Variants in PARP8 observed in about 807,000 individuals in gnomAD.
PARP8 encodes the protein protein mono-ADP-ribosyltransferase PARP8.
PARP8 carries 51 observed loss-of-function variants against 124.1 expected under a neutral mutation model. The observed-to-expected ratio is 0.41, with a 90% CI of 0.33 to 0.52. The LOEUF is 0.52. Among genes scored for constraint, PARP8 ranks in the 20% least tolerant of loss-of-function variants. PARP8 has a pLI of 0.21. For synonymous variants in PARP8, 391 were observed against 361.5 expected (o/e 1.08, Z -0.93); for missense variants, 860 against 1,018.9 (o/e 0.84, Z 2.12).
At chr5:50,683,901 T>A (rs1751564955) in intron 2 of PARP8, among the ~76,000 whole-genome samples, 1 of 152,188 alleles carries the variant, frequency 6.6e-6, no homozygotes, top group Non-Finnish European at 1.5e-5. Flanking sequence ...AATATTCATA[T>A]CTTAGCACTA....
chr5:50,820,300 C>T (rs866917082), intron 15 of PARP8, among the ~76,000 whole-genome samples: 27 of 152,174 alleles, frequency 1.8e-4, no homozygotes, highest in African/African-American at 6.0e-4. Flanking sequence ...CTAGAAATAG[C>T]TTTCCCTATA....
chr5:50,835,888 A>G (rs1182811483), intron 25 of PARP8, among the ~76,000 whole-genome samples: 1 of 152,120 alleles, frequency 6.6e-6, no homozygotes, highest in Non-Finnish European at 1.5e-5. Context: ...TTGGCTTCCA[A>G]CCCGTTTCCC....
At chr5:50,679,917 C>T (rs577072132) in intron 2 of PARP8, among the ~76,000 whole-genome samples, 1 of 152,248 alleles carries the variant, frequency 6.6e-6, no homozygotes, top group East Asian at 1.9e-4. Context: ...AAATACTTCC[C>T]ATTTCCTGCT....
chr5:50,757,483 G>T (rs1385057450), intron 3 of PARP8, among the ~76,000 whole-genome samples: 1 of 152,038 alleles, frequency 6.6e-6, no homozygotes, highest in African/African-American at 2.4e-5. Context: ...TGTAATAACG[G>T]CAATTTAATA....
At position 50,790,730 on chromosome 5, in the gene PARP8, C is replaced by CT. The variant is rs539277953; in HGVS notation, c.737+2146dup. 5.9e-5 allele frequency among the ~76,000 whole-genome samples: 9 copies of CT among 152,132 alleles called. No homozygotes were observed. The East Asian group carries it at 1.7e-3, about 29-fold the overall frequency. On this transcript the variant is annotated intron_variant, in intron 10 of 25. Transcript: ENST00000281631. Reference sequence around the variant, plus strand: ...TGAGAAATTAAAGAAAGCTATGTGCCTTTTTCACTGTTTAAGTACCTAGTA... The same window carrying CT: ...TGAGAAATTAAAGAAAGCTATGTGCCTTTTTTCACTGTTTAAGTACCTAGTA...
chr5:50,777,039 A>G (rs1385063122), intron 7 of PARP8, among the ~76,000 whole-genome samples: 1 of 152,192 alleles, frequency 6.6e-6, no homozygotes, highest in Non-Finnish European at 1.5e-5. Flanking sequence ...GGACCTAATG[A>G]GATCATCCAT....
chr5:50,834,108 ATATAAG>A (rs1747298322), intron 24 of PARP8, 60 bp downstream of exon 24: 10 of 1,318,992 alleles, frequency 7.6e-6, no homozygotes, highest in South Asian at 3.7e-5. Context: ...ATAATTAAAA[ATATAAG>A]TATATTTACA....
Position 50,778,096 on chromosome 5 carries a change from T to C in PARP8, c.546T>C (p.Asp182=), listed in dbSNP as rs918229633. The C allele has an allele frequency of 5.6e-6, 9 of 1,609,214 alleles. No homozygotes were observed. The highest frequency in any genetic ancestry group is 6.8e-6 in the Non-Finnish European group (8 of 1,178,464). The change falls in exon 8 of 26, where the codon GAT becomes GAC. Residue 182 remains aspartate, a synonymous_variant. Transcript: ENST00000281631. ...AATATGGAGCCATTGATGATGTAGA[T>C]ATTGATCTGCATATCGATGTTAGCT... The part of the protein sequence containing the change: ...LREYGAIDDV[D]IDLHIDVSFL...
At chr5:50,740,488 C>G (rs1249673973) in intron 2 of PARP8, among the ~76,000 whole-genome samples, 1 of 152,032 alleles carries the variant, frequency 6.6e-6, no homozygotes, top group African/African-American at 2.4e-5. Context: ...AAAGATGAGA[C>G]GCATAGATAG....
intron 2 of PARP8, among the ~76,000 whole-genome samples, chr5:50,732,125 A>C (rs1298106010): frequency 6.6e-6 from 1 of 152,226 alleles, no homozygotes; most frequent in Non-Finnish European, 1.5e-5. Flanking sequence ...AGATAATGAC[A>C]ATCTTTATCA....
At chr5:50,839,665 T>TC (rs34236487) in intron 25 of PARP8, among the ~76,000 whole-genome samples, 9 of 66,172 alleles carry the variant, frequency 1.4e-4, no homozygotes, top group African/African-American at 3.5e-4. Flanking sequence ...TCTCTCTTTC[T>TC]TTCTCTCTCT....
intron 3 of PARP8, among the ~76,000 whole-genome samples, chr5:50,757,530 G>T (rs1407725150): frequency 1.3e-5 from 2 of 151,890 alleles, no homozygotes; most frequent in Non-Finnish European, 1.5e-5. Context: ...TTTTATTTGG[G>T]GTAAATTAAG....
At chr5:50,788,102 C>T (rs182285827) in intron 9 of PARP8, among the ~76,000 whole-genome samples, 7 of 148,112 alleles carry the variant, frequency 4.7e-5, no homozygotes, top group Admixed American at 1.3e-4. Context: ...AATGCACTAA[C>T]TGTCCTACAT....
intron 18 of PARP8, 134 bp from the exon 19 acceptor site, chr5:50,826,621 G>T: frequency 9.0e-7 from 1 of 1,114,388 alleles, no homozygotes; most frequent in Admixed American, 3.8e-5. Flanking sequence ...CCTAAATTAT[G>T]CGACTAAATG....
chr5:50,759,228 A>T (rs1377823668), intron 3 of PARP8, among the ~76,000 whole-genome samples: 1 of 149,902 alleles, frequency 6.7e-6, no homozygotes, highest in Non-Finnish European at 1.5e-5. Context: ...CCACTAATAA[A>T]TTTTTTTTTT....
intron 2 of PARP8, among the ~76,000 whole-genome samples, chr5:50,691,436 C>A (rs2149461162): frequency 6.6e-6 from 1 of 152,338 alleles, no homozygotes; most frequent in East Asian, 1.9e-4. Context: ...CCTCTCTTGG[C>A]TGCTGTGATG....
chr5:50,693,632 A>T (rs1193183618), intron 2 of PARP8, among the ~76,000 whole-genome samples: 1 of 151,602 alleles, frequency 6.6e-6, no homozygotes, highest in African/African-American at 2.4e-5. Flanking sequence ...ATATTAATCT[A>T]TTACATACAT....
At chr5:50,795,464 C>T in intron 12 of PARP8, 47 bp downstream of exon 12, 1 of 1,450,588 alleles carries the variant, frequency 6.9e-7, no homozygotes, top group Non-Finnish European at 9.2e-7. Context: ...AGCTAAGGTG[C>T]AGTAGAATTT....
rs1221353031 is a variant in PARP8, at chr5:50,666,684, G to C, written c.-412G>C. ...GTGAGGGGTGTGCGCGCGTGAGCCGGAGCGGGGCTCGCCCCTCGCCGGCGC... is the reference window on the plus strand; with the variant it reads ...GTGAGGGGTGTGCGCGCGTGAGCCGCAGCGGGGCTCGCCCCTCGCCGGCGC... On this transcript the variant is annotated 5_prime_UTR_variant, in exon 1 of 26. Coordinates refer to ENST00000281631, the MANE Select transcript of PARP8 (RefSeq NM_024615.4). 1 of 182,992 alleles carries C rather than the reference G, an allele frequency of 5.5e-6. No individual in the cohort carries two copies. Among genetic ancestry groups the C allele is most frequent in the South Asian group, 1.2e-4 (1 of 8,022 alleles). The allele number at this position is 182,992 out of a possible 1,614,324, so 11.3% of individuals were successfully genotyped here. A position where few individuals can be genotyped will look rare whatever the true frequency, so the allele number is the denominator to read the frequency against.
Sources: allele counts gnomAD v4.1 joint callset (sites outside exome capture counted in the v4.1 genomes callset), GRCh38; gene constraint gnomAD v4.1.1; transcripts MANE v1.5; gene names NCBI Gene and HGNC (gene_info 2026-07-23, HGNC 2026-07-21).